The following CDH12 variants were observed in gnomAD, a reference collection of about 807,000 sequenced individuals.
The protein encoded by CDH12 is cadherin 12.
A neutral mutation model predicts 74.1 loss-of-function variants in CDH12; 41 were observed. The ratio of observed to expected loss-of-function variants is 0.55; its 90% CI spans 0.43 to 0.72. CDH12 has a LOEUF of 0.72. Ranked by LOEUF, CDH12 falls within the 30% of genes least tolerant of loss-of-function variation. The pLI is 0.00. For synonymous variants in CDH12, 399 were observed against 355.0 expected (o/e 1.12, Z -1.39); for missense variants, 945 against 977.2 (o/e 0.97, Z 0.44).
At chr5:22,213,823 G>C (rs1451698912) in intron 3 of CDH12, 4 of 152,118 alleles carry the variant, frequency 2.6e-5, no homozygotes, top group Middle Eastern at 3.2e-3. Context: ...GCTGACGACT[G>C]TCCTCTCACA....
At chr5:22,114,309 A>T (rs1312066353) in intron 4 of CDH12, among the ~76,000 whole-genome samples, 1 of 152,200 alleles carries the variant, frequency 6.6e-6, no homozygotes, top group Non-Finnish European at 1.5e-5. Context: ...CCTACATGAT[A>T]TAAAAATATA....
In CDH12 at chr5:22,391,307, A is replaced by G. The variant is rs1018013563; in HGVS notation, c.-333+13950T>C. 9.8e-5 allele frequency among the ~76,000 whole-genome samples: 15 copies of G among 152,334 alleles called. No individual in the cohort carries two copies. The East Asian group carries it at 2.9e-3, about 29-fold the overall frequency. On this transcript the variant is annotated intron_variant, in intron 3 of 14. Transcript: ENST00000382254. ...ATTGCTCAAAACTCAAAGGCAAGAT[A>G]AAATATAAAAGAAATTAAATAACTC...
chr5:22,312,106 T>C (rs1738420267), intron 3 of CDH12, among the ~76,000 whole-genome samples: 1 of 152,042 alleles, frequency 6.6e-6, no homozygotes, highest in African/African-American at 2.4e-5. Context: ...TAGAAGTAGA[T>C]ATACAAACCC....
chr5:21,842,067 T>A, intron 8 of CDH12, 94 bp downstream of exon 8: 1 of 948,424 alleles, frequency 1.1e-6, no homozygotes, highest in Non-Finnish European at 1.6e-6. Context: ...AGACTAAGTG[T>A]CTGGAAAATG....
At position 22,387,536 on chromosome 5, in the gene CDH12, C is replaced by T. The variant is rs544423876; in HGVS notation, c.-333+17721G>A. On this transcript the variant is annotated intron_variant, in intron 3 of 14. Coordinates refer to ENST00000382254, the MANE Select transcript of CDH12 (RefSeq NM_004061.5). ...TTAATGACTGGTATTGACTTTGTAG[C>T]ACAAAAGCCTATTGGCTGCTGTCTA... is the stretch of plus-strand genomic sequence containing the variant. Among the ~76,000 whole-genome samples, 24 of 152,186 alleles carry T rather than the reference C, an allele frequency of 1.6e-4. 1 individual carries two copies. The highest frequency in any genetic ancestry group is 5.8e-4 in the African/African-American group (24 of 41,546).
At chr5:22,046,430 C>CTTTTTTTTTTTTTTTTTTTTTTTTTTTTT (rs11323330) in intron 5 of CDH12, among the ~76,000 whole-genome samples, 1 of 100,420 alleles carries the variant, frequency 1.0e-5, no homozygotes, top group African/African-American at 4.3e-5. Flanking sequence ...CATTTAATTT[C>CTTTTTTTTTTTTTTTTTTTTTTTTTTTTT]TTTTTTTTTT....
intron 1 of CDH12, among the ~76,000 whole-genome samples, chr5:22,572,807 A>G (rs1432226009): frequency 2.0e-5 from 3 of 152,188 alleles, no homozygotes; most frequent in African/African-American, 7.2e-5. Flanking sequence ...TGAGTGTTCT[A>G]TTAAAAGCAC....
intron 1 of CDH12, among the ~76,000 whole-genome samples, chr5:22,837,743 T>C (rs1264408848): frequency 6.6e-6 from 1 of 152,168 alleles, no homozygotes; most frequent in East Asian, 1.9e-4. Context: ...TATAATTAGA[T>C]AATAAACATT....
intron 5 of CDH12, among the ~76,000 whole-genome samples, chr5:21,989,559 A>C (rs1178640126): frequency 1.3e-5 from 2 of 152,074 alleles, no homozygotes; most frequent in Admixed American, 6.6e-5. Context: ...TTCCTGACTC[A>C]CTCTGTACCC....
At chr5:21,870,097 G>T (rs993583109) in intron 6 of CDH12, among the ~76,000 whole-genome samples, 2 of 152,236 alleles carry the variant, frequency 1.3e-5, no homozygotes, top group African/African-American at 4.8e-5. Flanking sequence ...TCACCTACGG[G>T]CATCCATGTA....
At chr5:22,713,198 T>C (rs532936986) in intron 1 of CDH12, among the ~76,000 whole-genome samples, 30 of 130,698 alleles carry the variant, frequency 2.3e-4, no homozygotes, top group Middle Eastern at 4.8e-3. Flanking sequence ...TGGAGTGCAG[T>C]GGTACGATCT....
intron 1 of CDH12, among the ~76,000 whole-genome samples, chr5:22,684,119 T>C (rs1317798839): frequency 6.6e-6 from 1 of 152,200 alleles, no homozygotes; most frequent in Non-Finnish European, 1.5e-5. Context: ...GCATTGTTTG[T>C]CTGAGGCCCT....
At chr5:22,074,540 G>A (rs372503215) in intron 5 of CDH12, among the ~76,000 whole-genome samples, 59 of 152,254 alleles carry the variant, frequency 3.9e-4, no homozygotes, top group African/African-American at 1.4e-3. Context: ...TACAGAATGG[G>A]AGAAAATTTT....
chr5:22,527,632 T>C (rs1206382336), intron 1 of CDH12, among the ~76,000 whole-genome samples: 1 of 152,144 alleles, frequency 6.6e-6, no homozygotes, highest in Admixed American at 6.6e-5. Context: ...AGGGCTCCCT[T>C]CACAAATTTA....
chr5:22,804,342 C>G (rs575454132), intron 1 of CDH12, among the ~76,000 whole-genome samples: 3 of 152,066 alleles, frequency 2.0e-5, no homozygotes, highest in African/African-American at 7.2e-5. Context: ...ACCTATTTCT[C>G]TTTTGTTGAG....
intron 1 of CDH12, among the ~76,000 whole-genome samples, chr5:22,656,716 C>T (rs1175010248): frequency 6.6e-6 from 1 of 152,046 alleles, no homozygotes; most frequent in Admixed American, 6.5e-5. Context: ...GTATGTGCCA[C>T]AAAAAGACAT....
intron 1 of CDH12, among the ~76,000 whole-genome samples, chr5:22,507,033 T>C (rs1736413762): frequency 6.6e-6 from 1 of 152,186 alleles, no homozygotes; most frequent in Admixed American, 6.6e-5. Context: ...GACATGTTTA[T>C]GATGCCTGAT....
intron 4 of CDH12, among the ~76,000 whole-genome samples, chr5:22,105,643 G>A (rs537154968): frequency 2.8e-4 from 42 of 151,298 alleles, no homozygotes; most frequent in African/African-American, 9.9e-4. Flanking sequence ...GGTTGCAGTG[G>A]GCTGAGATTG....
rs1746612743 is a variant in CDH12 at position 22,138,845 on chromosome 5, A to ATAT, written c.-186-59984_-186-59983insATA. 4.8e-3 allele frequency among the ~76,000 whole-genome samples: 371 copies of ATAT among 76,570 alleles called. 9 individuals are homozygous for ATAT. The highest frequency in any genetic ancestry group is 0.016 in the African/African-American group (353 of 22,604). The allele number at this position is 76,570 out of a possible 152,430, so 50.2% of individuals were successfully genotyped here. A position where few individuals can be genotyped will look rare whatever the true frequency, so the allele number is the denominator to read the frequency against. ...AATATATATGTGTACATATATACGTAATATATATATATATATATATATATA... is the reference window on the plus strand; with the variant it reads ...AATATATATGTGTACATATATACGTATATATATATATATATATATATATATATA... On this transcript the variant is annotated intron_variant, in intron 4 of 14. Coordinates refer to ENST00000382254, the MANE Select transcript of CDH12 (RefSeq NM_004061.5).
Sources: gnomAD v4.1 joint callset for allele counts (sites outside exome capture counted in the v4.1 genomes callset) on GRCh38, gnomAD v4.1.1 for gene constraint, MANE v1.5 for transcripts, NCBI Gene and HGNC (gene_info 2026-07-23, HGNC 2026-07-21) for gene names.